Variants in CWC27 observed in about 807,000 individuals in gnomAD.
The protein encoded by CWC27 is CWC27 spliceosome associated cyclophilin.
A neutral mutation model predicts 63.6 loss-of-function variants in CWC27; 47 were observed. The ratio of observed to expected loss-of-function variants is 0.74; its 90% confidence interval spans 0.58 to 0.94. The LOEUF is 0.94. Among genes scored for constraint, CWC27 ranks in the 40% least tolerant of loss-of-function variants. The pLI, the probability that CWC27 is intolerant of heterozygous loss-of-function variation, is 0.00. For synonymous variants in CWC27, 175 were observed against 179.8 expected (o/e 0.97, Z 0.22); for missense variants, 495 against 554.3 (o/e 0.89, Z 1.07).
rs1580619664 is a variant in CWC27 at position 64,804,083 on chromosome 5, G to T, written c.781-146G>T. 5.7e-6 allele frequency: 4 copies of T among 698,228 alleles called. No homozygotes were observed. In the East Asian group the frequency reaches 1.2e-4, roughly 20 times the overall value. The allele number at this position is 698,228 out of a possible 1,614,324, so 43.3% of individuals were successfully genotyped here. A position where few individuals can be genotyped will look rare whatever the true frequency, so the allele number is the denominator to read the frequency against. On this transcript the variant is annotated intron_variant, in intron 9 of 13. Transcript: ENST00000381070. The stretch of plus-strand genomic sequence containing the variant: ...TCCCACCTGTAGCAGATTCTTCAAG[G>T]GCTTATAATTCAAAACAAAAGAAAA...
chr5:64,825,595 A>G (rs879844616), intron 10 of CWC27, among the ~76,000 whole-genome samples: 4 of 151,356 alleles, frequency 2.6e-5, no homozygotes, highest in Admixed American at 2.6e-4. Flanking sequence ...TTTGTTTTTT[A>G]GCTTTTAAAG....
At chr5:64,887,001 T>A (rs1258915173) in intron 11 of CWC27, among the ~76,000 whole-genome samples, 1 of 152,100 alleles carries the variant, frequency 6.6e-6, no homozygotes, top group Non-Finnish European at 1.5e-5. Context: ...TTTAAATATA[T>A]GAAAATAATT....
At chr5:64,846,428 T>C (rs75589515) in intron 10 of CWC27, among the ~76,000 whole-genome samples, 2,548 of 152,328 alleles carry the variant, frequency 0.017, 70 homozygotes, top group African/African-American at 0.059. Context: ...AGAATTGTTG[T>C]ATGCAAAGTT....
chr5:65,011,232 A>G (rs1036076922), intron 13 of CWC27, among the ~76,000 whole-genome samples: 20 of 152,142 alleles, frequency 1.3e-4, no homozygotes, highest in African/African-American at 4.1e-4. Flanking sequence ...CCCCATCTCA[A>G]CAAAAAAGCA....
intron 10 of CWC27, among the ~76,000 whole-genome samples, chr5:64,880,305 C>CAT (rs1266747256): frequency 6.6e-6 from 1 of 151,952 alleles, no homozygotes; most frequent in Non-Finnish European, 1.5e-5. Context: ...ATGGAAAGAG[C>CAT]ATAGACCTGG....
chr5:64,952,894 G>A (rs894786593), intron 11 of CWC27, among the ~76,000 whole-genome samples: 2 of 151,994 alleles, frequency 1.3e-5, no homozygotes, highest in Admixed American at 1.3e-4. Flanking sequence ...ATTATTATTT[G>A]AGACTTCAGG....
At chr5:64,791,757 T>C (rs1744087287) in intron 7 of CWC27, among the ~76,000 whole-genome samples, 1 of 152,154 alleles carries the variant, frequency 6.6e-6, no homozygotes, top group South Asian at 2.1e-4. Context: ...GGGGAAGTCT[T>C]AACTCACTAT....
intron 13 of CWC27, among the ~76,000 whole-genome samples, chr5:64,984,572 C>T (rs1213391835): frequency 6.6e-6 from 1 of 152,128 alleles, no homozygotes; most frequent in East Asian, 1.9e-4. Flanking sequence ...TTAATCTGTC[C>T]CGTACTTGCT....
chr5:65,018,035 A>G, intron 13 of CWC27, 124 bp from the exon 14 acceptor site: 1 of 862,202 alleles, frequency 1.2e-6, no homozygotes, highest in Non-Finnish European at 1.7e-6. Context: ...AGCACCAGTA[A>G]ACAACAAACC....
intron 11 of CWC27, among the ~76,000 whole-genome samples, chr5:64,914,554 GA>G (rs1333060576): frequency 1.3e-5 from 2 of 152,114 alleles, no homozygotes; most frequent in Non-Finnish European, 2.9e-5. Flanking sequence ...GAGTATTCAG[GA>G]AAATGCAAAT....
chr5:64,803,278 G>T (rs572022915), intron 9 of CWC27, among the ~76,000 whole-genome samples: 54 of 152,166 alleles, frequency 3.5e-4, no homozygotes, highest in African/African-American at 1.2e-3. Context: ...TGATCCACTT[G>T]GGGTTATTTC....
At chr5:64,824,079 A>G (rs1745290841) in intron 10 of CWC27, among the ~76,000 whole-genome samples, 1 of 152,202 alleles carries the variant, frequency 6.6e-6, no homozygotes, top group Non-Finnish European at 1.5e-5. Flanking sequence ...AACTTTATCT[A>G]GCTAGTGAAT....
At chr5:64,896,855 C>T (rs1234254079) in intron 11 of CWC27, among the ~76,000 whole-genome samples, 3 of 152,108 alleles carry the variant, frequency 2.0e-5, no homozygotes, top group Admixed American at 1.3e-4. Context: ...TAAAAAACTA[C>T]GTTTGTCAAA....
chr5:65,006,485 G>A (rs922743722), intron 13 of CWC27, among the ~76,000 whole-genome samples: 6 of 151,820 alleles, frequency 4.0e-5, no homozygotes, highest in African/African-American at 1.5e-4. Flanking sequence ...TAAATTACCT[G>A]GCAATAGCCT....
At chr5:64,847,333 A>G (rs1056987420) in intron 10 of CWC27, among the ~76,000 whole-genome samples, 1 of 152,202 alleles carries the variant, frequency 6.6e-6, no homozygotes, top group Non-Finnish European at 1.5e-5. Flanking sequence ...TACCAAAAGG[A>G]TACAACAATT....
At chr5:65,000,458 G>C (rs778697983) in intron 13 of CWC27, among the ~76,000 whole-genome samples, 25 of 152,056 alleles carry the variant, frequency 1.6e-4, no homozygotes, top group Admixed American at 1.6e-3. Context: ...TATAGTTTCA[G>C]GTCTTATATT....
At chr5:64,976,765 C>T (rs1324022062) in intron 12 of CWC27, among the ~76,000 whole-genome samples, 3 of 152,092 alleles carry the variant, frequency 2.0e-5, no homozygotes, top group Admixed American at 6.5e-5. Context: ...AGGTCTTGAA[C>T]TCTTGGGCTC....
At chr5:64,994,847 T>C (rs1749603344) in intron 13 of CWC27, among the ~76,000 whole-genome samples, 2 of 152,236 alleles carry the variant, frequency 1.3e-5, no homozygotes, top group Admixed American at 1.3e-4. Flanking sequence ...TATATAGTAA[T>C]CATTGCCAAT....
intron 11 of CWC27, among the ~76,000 whole-genome samples, chr5:64,945,243 C>T (rs1748568561): frequency 6.6e-6 from 1 of 152,120 alleles, no homozygotes; most frequent in African/African-American, 2.4e-5. Flanking sequence ...TGTGTTACTA[C>T]CTTGTAATAT....
Sources: gnomAD v4.1 joint callset for allele counts (sites outside exome capture counted in the v4.1 genomes callset) on GRCh38, gnomAD v4.1.1 for gene constraint, MANE v1.5 for transcripts, NCBI Gene and HGNC (gene_info 2026-07-23, HGNC 2026-07-21) for gene names.